The following CNKSR2 variants were observed in gnomAD, a reference collection of about 807,000 sequenced individuals.
CNKSR2 encodes the protein connector enhancer of kinase suppressor of Ras 2.
CNKSR2 carries 14 observed loss-of-function variants against 84.4 expected under a neutral mutation model. That is an observed-to-expected ratio of 0.17 (90% CI 0.11 to 0.26). The LOEUF is 0.26. CNKSR2 is among the 10% of genes least tolerant of loss of function. The pLI, the probability that CNKSR2 is intolerant of heterozygous loss-of-function variation, is 1.00. For synonymous variants in CNKSR2, 275 were observed against 277.9 expected (o/e 0.99, Z 0.10); for missense variants, 485 against 771.2 (o/e 0.63, Z 4.40).
At chrX:21,641,943 C>T in intron 20 of CNKSR2, 1 of 778,422 alleles carries the variant, frequency 1.3e-6, no homozygotes, top group South Asian at 6.5e-5. Context: ...TGGGAAAGGG[C>T]TCTGTGTGGT....
intron 20 of CNKSR2, among the ~76,000 whole-genome samples, chrX:21,629,777 G>C (rs980179858): frequency 4.5e-5 from 5 of 112,215 alleles, no homozygotes; most frequent in Non-Finnish European, 9.4e-5. Flanking sequence ...CTAATGGCAA[G>C]AGGGAAACAC....
intron 1 of CNKSR2, among the ~76,000 whole-genome samples, chrX:21,413,236 A>G (rs183226853): frequency 9.0e-6 from 1 of 111,426 alleles, no homozygotes; most frequent in East Asian, 2.8e-4. Flanking sequence ...AGTACCATGT[A>G]TCAGCACTTT....
chrX:21,591,736 A>G (rs2092422171), intron 15 of CNKSR2: 2 of 110,480 alleles, frequency 1.8e-5, no homozygotes, highest in Non-Finnish European at 3.8e-5. Flanking sequence ...ATACATTTAA[A>G]TTATTCTTAT....
At chrX:21,563,647 G>A (rs2092212790) in intron 13 of CNKSR2, among the ~76,000 whole-genome samples, 195 bp downstream of exon 13, 1 of 111,623 alleles carries the variant, frequency 9.0e-6, no homozygotes, top group South Asian at 3.7e-4. Flanking sequence ...TGAGTTCATA[G>A]TTGTAGCAAG....
At chrX:21,473,951 G>A (rs754210612) in intron 5 of CNKSR2, among the ~76,000 whole-genome samples, 23 of 107,737 alleles carry the variant, frequency 2.1e-4, no homozygotes, top group Admixed American at 7.0e-4. Flanking sequence ...GGGTTTCACC[G>A]TGTTAGCCAG....
intron 8 of CNKSR2, among the ~76,000 whole-genome samples, chrX:21,508,919 T>A (rs975444517): frequency 4.5e-5 from 5 of 112,067 alleles, no homozygotes; most frequent in Non-Finnish European, 9.4e-5. Flanking sequence ...TATGAGTCAA[T>A]CAAGAAATTC....
In CNKSR2 at chrX:21,470,817, C is replaced by T. The variant is rs2091188571; in HGVS notation, c.561+10C>T. On this transcript the variant is annotated intron_variant, in intron 5 of 21. Transcript: ENST00000379510. ...TAAAATTCTTCACGTGGTGAGTATA[C>T]TTGGATTTATTTTAATCTTTATTAG... 1 of 966,989 alleles carries T rather than the reference C, an allele frequency of 1.0e-6. No homozygotes were observed. The highest frequency in any genetic ancestry group is 1.4e-6 in the Non-Finnish European group (1 of 705,582). 79.7% of individuals were successfully genotyped at this position (966,989 alleles called of 1,213,427 possible).
At position 21,432,709 on chromosome X, in the gene CNKSR2, G is replaced by T; in HGVS notation, c.326G>T (p.Ser109Ile). 8.3e-7 allele frequency: 1 copy of T among 1,208,127 alleles called. No individual in the cohort carries two copies. Among genetic ancestry groups the T allele is most frequent in the Non-Finnish European group, 1.1e-6 (1 of 892,975 alleles). ...LQNFITGRRRSGHYDGRTSRK... is the reference protein window; with the variant it reads ...LQNFITGRRRIGHYDGRTSRK... ...AATTTTATAACAGGAAGGAGAAGGAGTGGCCATTATGATGGGAGGACCAGC... is the reference window on the plus strand; with the variant it reads ...AATTTTATAACAGGAAGGAGAAGGATTGGCCATTATGATGGGAGGACCAGC... The change falls in exon 3 of 22, where the codon AGT becomes ATT. Residue 109 changes from serine to isoleucine, a missense_variant. Physicochemically the swap from Ser to Ile is moderately radical, Grantham distance 142 (BLOSUM62 -2). Coordinates refer to ENST00000379510, the MANE Select transcript of CNKSR2 (RefSeq NM_014927.5).
chrX:21,468,471 A>G (rs916690560), intron 4 of CNKSR2: 21 of 111,154 alleles, frequency 1.9e-4, no homozygotes, highest in African/African-American at 6.5e-4. Flanking sequence ...GAGTCCTACT[A>G]AAACAGGAGC....
chrX:21,531,301 G>A (rs2091883767), intron 10 of CNKSR2, among the ~76,000 whole-genome samples: 1 of 110,576 alleles, frequency 9.0e-6, no homozygotes, highest in African/African-American at 3.3e-5. Flanking sequence ...TAAACTGGCA[G>A]AAGAAAACAT....
At chrX:21,419,205 A>G (rs771316346) in intron 1 of CNKSR2, among the ~76,000 whole-genome samples, 2 of 110,318 alleles carry the variant, frequency 1.8e-5, no homozygotes, top group South Asian at 7.8e-4. Context: ...TCAGTATGAC[A>G]ATTGCATTTT....
At chrX:21,495,246 A>T (rs2091481439) in intron 6 of CNKSR2, 2 of 110,886 alleles carry the variant, frequency 1.8e-5, no homozygotes, top group Admixed American at 9.6e-5. Context: ...CCTTGGGCAG[A>T]CTCCCCAGCC....
At chrX:21,432,960 G>T in intron 3 of CNKSR2, 146 bp downstream of exon 3, 1 of 537,647 alleles carries the variant, frequency 1.9e-6, no homozygotes, top group Non-Finnish European at 2.9e-6. Context: ...CACAATATAG[G>T]GGTATTAAAT....
At chrX:21,652,209 CTA>C in intron 21 of CNKSR2, 95 bp from the exon 22 acceptor site, 1 of 681,027 alleles carries the variant, frequency 1.5e-6, no homozygotes, top group Non-Finnish European at 2.2e-6. Flanking sequence ...AAGCCATCTC[CTA>C]TGGGCTTCTT....
At chrX:21,462,714 A>AT (rs765249371) in intron 4 of CNKSR2, among the ~76,000 whole-genome samples, 18,791 of 92,108 alleles carry the variant, frequency 0.2, 4,195 homozygotes, top group African/African-American at 0.62. Flanking sequence ...TATACCCAGT[A>AT]TTTTTTTTTT....
intron 4 of CNKSR2, among the ~76,000 whole-genome samples, chrX:21,459,018 C>CTTTTTTTT (rs35121561): frequency 1.1e-5 from 1 of 88,530 alleles, no homozygotes; most frequent in Non-Finnish European, 2.2e-5. Flanking sequence ...ATTCTTCATC[C>CTTTTTTTT]TTTTTTTTTT....
chrX:21,549,018 A>C (rs1417491329), intron 11 of CNKSR2, among the ~76,000 whole-genome samples: 1 of 112,592 alleles, frequency 8.9e-6, no homozygotes, highest in Non-Finnish European at 1.9e-5. Flanking sequence ...ACATAAGACA[A>C]GGATGCCCTC....
rs147426536 is a variant in CNKSR2 at position 21,479,844 on chromosome X, G to C, written c.561+9037G>C. Reference sequence around the variant, plus strand: ...AGAGTTAGGATGATGCTGTGAGTAAGAGGTCTGGAGAGCATGCTGAGATAG... The same window carrying C: ...AGAGTTAGGATGATGCTGTGAGTAACAGGTCTGGAGAGCATGCTGAGATAG... On this transcript the variant is annotated intron_variant, in intron 5 of 21. Coordinates refer to ENST00000379510, the MANE Select transcript of CNKSR2 (RefSeq NM_014927.5). Among the ~76,000 whole-genome samples the C allele has an allele frequency of 4.3e-3, 472 of 109,940 alleles. 2 individuals carry two copies. The highest frequency in any genetic ancestry group is 0.014 in the African/African-American group (422 of 30,185).
intron 5 of CNKSR2, among the ~76,000 whole-genome samples, chrX:21,487,027 G>A (rs1051974998): frequency 3.6e-5 from 4 of 111,543 alleles, no homozygotes; most frequent in South Asian, 3.7e-4. Context: ...AGTTTCTAGC[G>A]TATTATCTCT....
Sources: allele counts gnomAD v4.1 joint callset (sites outside exome capture counted in the v4.1 genomes callset), GRCh38; gene constraint gnomAD v4.1.1; transcripts MANE v1.5; gene names NCBI Gene and HGNC (gene_info 2026-07-23, HGNC 2026-07-21).